Variants in SYT1 observed in about 807,000 individuals in gnomAD.
The protein encoded by SYT1 is synaptotagmin-1.
SYT1 carries 8 observed loss-of-function variants against 44.8 expected under a neutral mutation model. That is an observed-to-expected ratio of 0.18 (90% CI 0.10 to 0.32). The LOEUF is 0.32. SYT1 is among the 10% of genes least tolerant of loss of function. The pLI, the probability that SYT1 is intolerant of heterozygous loss-of-function variation, is 1.00. For synonymous variants in SYT1, 154 were observed against 188.8 expected (o/e 0.82, Z 1.51); for missense variants, 286 against 509.3 (o/e 0.56, Z 4.22).
chr12:79,353,299 A>T (rs987100547), intron 8 of SYT1, among the ~76,000 whole-genome samples: 4 of 151,848 alleles, frequency 2.6e-5, no homozygotes, highest in Non-Finnish European at 5.9e-5. Context: ...TAAAAACTGA[A>T]ATAGATGGTC....
chr12:79,395,231 T>C (rs1379777825), intron 9 of SYT1, among the ~76,000 whole-genome samples: 1 of 152,182 alleles, frequency 6.6e-6, no homozygotes, highest in Non-Finnish European at 1.5e-5. Flanking sequence ...TTTTGGTTTT[T>C]GTTTTTGAGA....
intron 2 of SYT1, among the ~76,000 whole-genome samples, chr12:79,024,460 T>C (rs1872396198): frequency 6.6e-6 from 1 of 151,854 alleles, no homozygotes; most frequent in Admixed American, 6.6e-5. Context: ...TAATGTGTAA[T>C]GTATCTTTAA....
chr12:79,241,796 G>A (rs944048606), intron 4 of SYT1, among the ~76,000 whole-genome samples: 1 of 152,164 alleles, frequency 6.6e-6, no homozygotes, highest in Non-Finnish European at 1.5e-5. Flanking sequence ...CTGCAAATGT[G>A]ACTTCTTTAG....
intron 3 of SYT1, among the ~76,000 whole-genome samples, chr12:79,085,785 G>C (rs1877339990): frequency 6.6e-6 from 1 of 152,068 alleles, no homozygotes; most frequent in African/African-American, 2.4e-5. Flanking sequence ...TTATTCACTT[G>C]AAATTTTAAG....
At chr12:79,027,267 A>AG (rs1872593218) in intron 2 of SYT1, among the ~76,000 whole-genome samples, 1 of 151,448 alleles carries the variant, frequency 6.6e-6, no homozygotes, top group Admixed American at 6.6e-5. Flanking sequence ...TACTTTAAAT[A>AG]GGCTCTCCTC....
At chr12:79,338,242 A>C (rs1404398843) in intron 8 of SYT1, among the ~76,000 whole-genome samples, 2 of 151,332 alleles carry the variant, frequency 1.3e-5, no homozygotes, top group Non-Finnish European at 2.9e-5. Flanking sequence ...TTCCAAGAAA[A>C]TGTCAACTAA....
At chr12:79,156,429 G>C (rs1455204977) in intron 3 of SYT1, among the ~76,000 whole-genome samples, 1 of 149,960 alleles carries the variant, frequency 6.7e-6, no homozygotes, top group African/African-American at 2.5e-5. Flanking sequence ...GTTAATTGTT[G>C]TGGTTGTTGC....
chr12:79,159,300 A>C (rs1468931929), intron 3 of SYT1, among the ~76,000 whole-genome samples: 1 of 152,316 alleles, frequency 6.6e-6, no homozygotes, highest in Admixed American at 6.5e-5. Flanking sequence ...GTTTTCTAAG[A>C]CTTATCCTGA....
At chr12:79,106,907 A>G (rs1481352859) in intron 3 of SYT1, among the ~76,000 whole-genome samples, 1 of 152,112 alleles carries the variant, frequency 6.6e-6, no homozygotes, top group African/African-American at 2.4e-5. Flanking sequence ...ATCAGCAAAT[A>G]TAAATAAAAA....
At chr12:79,184,717 T>C (rs1872715004) in intron 3 of SYT1, among the ~76,000 whole-genome samples, 1 of 152,056 alleles carries the variant, frequency 6.6e-6, no homozygotes, top group African/African-American at 2.4e-5. Flanking sequence ...TTTAAAACTC[T>C]TATGTTTCAG....
At chr12:79,358,173 G>C (rs1169598378) in intron 9 of SYT1, among the ~76,000 whole-genome samples, 2 of 152,112 alleles carry the variant, frequency 1.3e-5, no homozygotes, top group African/African-American at 4.8e-5. Context: ...TGTAAGTTTA[G>C]TTTAGGCTTT....
At chr12:79,174,557 A>G (rs1304435708) in intron 3 of SYT1, among the ~76,000 whole-genome samples, 1 of 152,044 alleles carries the variant, frequency 6.6e-6, no homozygotes, top group Non-Finnish European at 1.5e-5. Context: ...AGACACTAGC[A>G]AGGAAATGGG....
chr12:78,883,851 C>T (rs1874592880), intron 1 of SYT1, among the ~76,000 whole-genome samples: 1 of 151,554 alleles, frequency 6.6e-6, no homozygotes, highest in African/African-American at 2.4e-5. Context: ...AAAGTTATTC[C>T]TTCTGTAAAT....
At chr12:79,153,888 C>T (rs1207974158) in intron 3 of SYT1, among the ~76,000 whole-genome samples, 3 of 151,930 alleles carry the variant, frequency 2.0e-5, no homozygotes, top group Admixed American at 2.0e-4. Flanking sequence ...AAACATGTAC[C>T]CACATGGAAA....
At chr12:79,175,597 C>T (rs1318228266) in intron 3 of SYT1, among the ~76,000 whole-genome samples, 1 of 152,044 alleles carries the variant, frequency 6.6e-6, no homozygotes, top group Non-Finnish European at 1.5e-5. Flanking sequence ...ATGAAATTCC[C>T]TTTTGCCACT....
chr12:79,212,498 GA>G (rs5799420), intron 3 of SYT1, among the ~76,000 whole-genome samples: 96 of 142,886 alleles, frequency 6.7e-4, no homozygotes, highest in Admixed American at 5.6e-4. Flanking sequence ...AAAGTAAAAT[GA>G]AAAAAAAAAA....
chr12:78,955,629 C>A (rs1879168991), intron 1 of SYT1: 1 of 152,052 alleles, frequency 6.6e-6, no homozygotes, highest in Non-Finnish European at 1.5e-5. Flanking sequence ...GCAGAGCCCC[C>A]CCAAAGGCCC....
chr12:79,148,276 C>A (rs1330967742), intron 3 of SYT1, among the ~76,000 whole-genome samples: 1 of 152,108 alleles, frequency 6.6e-6, no homozygotes, highest in East Asian at 1.9e-4. Flanking sequence ...TCCTTCCAAT[C>A]TTCTGTTAAA....
At chr12:79,018,983 C>G (rs927750930) in intron 2 of SYT1, among the ~76,000 whole-genome samples, 2 of 151,996 alleles carry the variant, frequency 1.3e-5, no homozygotes, top group African/African-American at 4.8e-5. Flanking sequence ...TCAGCACATA[C>G]GTAATTTGTA....
Sources: gnomAD v4.1 joint callset for allele counts (sites outside exome capture counted in the v4.1 genomes callset) on GRCh38, gnomAD v4.1.1 for gene constraint, MANE v1.5 for transcripts, NCBI Gene and HGNC (gene_info 2026-07-23, HGNC 2026-07-21) for gene names.